Variants in PRR16 observed in about 807,000 individuals in gnomAD.
PRR16 encodes the protein proline rich 16.
A neutral mutation model predicts 18.2 loss-of-function variants in PRR16; 6 were observed. That is an observed-to-expected ratio of 0.33 (90% CI 0.18 to 0.65). The LOEUF (loss-of-function observed/expected upper bound fraction) is 0.65, where lower values mean the gene tolerates loss of function less well. PRR16 is among the 30% of genes least tolerant of loss of function. The pLI is 0.74. For missense variants in PRR16, 412 were observed against 376.6 expected, an observed-to-expected ratio of 1.09 and a Z score of -0.78; for synonymous variants, 151 against 147.8, an observed-to-expected ratio of 1.02 and a Z score of -0.16.
the PRR16 span, among the ~76,000 whole-genome samples, chr5:120,745,934 T>A: frequency 1.3e-5 from 2 of 149,854 alleles, no homozygotes; most frequent in East Asian, 3.9e-4. Flanking sequence ...ACTGTCTTGA[T>A]CTCCTGACCT....
chr5:120,574,001 A>T lies in PRR16; in HGVS notation c.159+109356A>T, dbSNP rs144609631. On this transcript the variant is annotated intron_variant, in intron 1 of 1. Transcript: ENST00000407149. ...AACAGAAAAACATTACAGAGTATAG[A>T]AAAAAAGAATATATTCATGATTTTG... Among the ~76,000 whole-genome samples the T allele has an allele frequency of 2.4e-3, 365 of 152,190 alleles. 2 individuals carry two copies. The highest frequency in any genetic ancestry group is 8.4e-3 in the African/African-American group (351 of 41,544).
At chr5:120,782,133 A>G in the PRR16 span, among the ~76,000 whole-genome samples, 1 of 152,162 alleles carries the variant, frequency 6.6e-6, no homozygotes, top group Non-Finnish European at 1.5e-5. Flanking sequence ...ACCAATCTAA[A>G]CTGAGTGTGT....
intron 1 of PRR16, among the ~76,000 whole-genome samples, chr5:120,510,037 T>G (rs969212005): frequency 3.3e-5 from 5 of 152,144 alleles, no homozygotes; most frequent in African/African-American, 1.2e-4. Context: ...AAAAGAGGCT[T>G]TCAAAAAGAG....
the PRR16 span, among the ~76,000 whole-genome samples, chr5:120,726,392 G>A: frequency 6.6e-6 from 1 of 151,910 alleles, no homozygotes; most frequent in Admixed American, 6.6e-5. Context: ...AGGGAATATG[G>A]AGACAGTAAC....
intron 1 of PRR16, among the ~76,000 whole-genome samples, chr5:120,550,585 A>G (rs570825080): frequency 1.3e-5 from 2 of 152,146 alleles, no homozygotes; most frequent in Admixed American, 6.6e-5. Context: ...AAAATGCATC[A>G]TCTCTGAGTC....
chr5:120,731,550 G>A, the PRR16 span, among the ~76,000 whole-genome samples: 1 of 152,146 alleles, frequency 6.6e-6, no homozygotes, highest in East Asian at 1.9e-4. Flanking sequence ...ATGAAGGCTT[G>A]TTTCCACCCC....
chr5:120,736,537 CTTTTT>C, the PRR16 span, among the ~76,000 whole-genome samples: 12 of 54,022 alleles, frequency 2.2e-4, no homozygotes, highest in Admixed American at 4.5e-4. Flanking sequence ...AGTGTAAAGG[CTTTTT>C]TTTTTTTTTT....
intron 1 of PRR16, among the ~76,000 whole-genome samples, chr5:120,667,062 G>C (rs1345058953): frequency 6.6e-6 from 1 of 151,904 alleles, no homozygotes; most frequent in African/African-American, 2.4e-5. Flanking sequence ...ACCTCTGGTA[G>C]AATTCGGCTG....
chr5:120,584,059 G>A (rs960622214), intron 1 of PRR16, among the ~76,000 whole-genome samples: 3 of 152,128 alleles, frequency 2.0e-5, no homozygotes, highest in African/African-American at 7.2e-5. Context: ...GATGGGAAAT[G>A]CCATGATAAA....
At chr5:120,492,585 G>A (rs968778449) in intron 1 of PRR16, among the ~76,000 whole-genome samples, 4 of 151,928 alleles carry the variant, frequency 2.6e-5, no homozygotes, top group African/African-American at 9.7e-5. Flanking sequence ...TAAAATTTCA[G>A]TAGTTTTGGG....
intron 1 of PRR16, among the ~76,000 whole-genome samples, chr5:120,626,518 G>A (rs1458954529): frequency 6.6e-6 from 1 of 151,990 alleles, no homozygotes; most frequent in African/African-American, 2.4e-5. Context: ...TCCTAAAGCT[G>A]GATTGTTGCA....
chr5:120,733,979 C>T, the PRR16 span, among the ~76,000 whole-genome samples: 8 of 151,942 alleles, frequency 5.3e-5, no homozygotes, highest in Non-Finnish European at 1.2e-4. Context: ...GATGTGTGTA[C>T]ATTTGTGTAG....
chr5:120,791,632 TATC>T, the PRR16 span, among the ~76,000 whole-genome samples: 437 of 136,556 alleles, frequency 3.2e-3, 1 homozygote, highest in African/African-American at 0.011. Context: ...TCCATCCATC[TATC>T]ATCTATCTAT....
chr5:120,555,815 T>A (rs1347222401), intron 1 of PRR16, among the ~76,000 whole-genome samples: 2 of 138,334 alleles, frequency 1.4e-5, no homozygotes, highest in Non-Finnish European at 3.1e-5. Flanking sequence ...TTTTTTTTTT[T>A]ATGTTTGAGT....
intron 1 of PRR16, among the ~76,000 whole-genome samples, chr5:120,627,623 GA>G (rs960987992): frequency 2.0e-5 from 3 of 151,532 alleles, no homozygotes; most frequent in Non-Finnish European, 2.9e-5. Context: ...TAAGCTTTGT[GA>G]AAAAAAATAG....
At chr5:120,490,369 C>G (rs975835415) in intron 1 of PRR16, among the ~76,000 whole-genome samples, 2 of 152,048 alleles carry the variant, frequency 1.3e-5, no homozygotes. Context: ...TCTTTTTTCT[C>G]TAAAGTTCTC....
At chr5:120,509,229 C>T (rs1750744629) in intron 1 of PRR16, among the ~76,000 whole-genome samples, 1 of 152,064 alleles carries the variant, frequency 6.6e-6, no homozygotes, top group South Asian at 2.1e-4. Flanking sequence ...GGTTTATAAG[C>T]ACCACAGGCC....
chr5:120,722,946 A>G, the PRR16 span, among the ~76,000 whole-genome samples: 8 of 151,444 alleles, frequency 5.3e-5, no homozygotes, highest in South Asian at 4.1e-4. Context: ...TACTCTCCAT[A>G]TATTTTAAGA....
At chr5:120,500,829 A>T (rs556474912) in intron 1 of PRR16, among the ~76,000 whole-genome samples, 1 of 152,296 alleles carries the variant, frequency 6.6e-6, no homozygotes, top group East Asian at 1.9e-4. Context: ...AAGTAAATCC[A>T]TGAGGAGATA....
Sources: allele counts gnomAD v4.1 joint callset (sites outside exome capture counted in the v4.1 genomes callset), GRCh38; gene constraint gnomAD v4.1.1; transcripts MANE v1.5; gene names NCBI Gene and HGNC (gene_info 2026-07-23, HGNC 2026-07-21).